Variants in ABHD2 observed in about 807,000 individuals in gnomAD.
ABHD2 encodes the protein monoacylglycerol lipase ABHD2.
A neutral mutation model predicts 48.1 loss-of-function variants in ABHD2; 20 were observed. That is an observed-to-expected ratio of 0.42 (90% confidence interval 0.29 to 0.60). The LOEUF (loss-of-function observed/expected upper bound fraction) is 0.60, where lower values mean the gene tolerates loss of function less well. Among genes scored for constraint, ABHD2 ranks in the 20% least tolerant of loss-of-function variants. The pLI, the probability that ABHD2 is intolerant of heterozygous loss-of-function variation, is 0.24. For missense variants in ABHD2, 405 were observed against 550.9 expected (o/e 0.74, Z 2.65); for synonymous variants, 209 against 214.2 (o/e 0.98, Z 0.21).
At chr15:89,098,602 T>C (rs1020300414) in intron 1 of ABHD2, among the ~76,000 whole-genome samples, 1 of 152,208 alleles carries the variant, frequency 6.6e-6, no homozygotes, top group Non-Finnish European at 1.5e-5. Context: ...AGTTCCCTCC[T>C]CTATTCTGAT....
the ABHD2 span, among the ~76,000 whole-genome samples, chr15:89,069,125 T>C: frequency 1.5e-4 from 15 of 100,998 alleles, no homozygotes; most frequent in South Asian, 4.8e-3. Flanking sequence ...TTCTTTTCTT[T>C]TTTTTTTTTT....
chr15:89,151,446 A>G lies in ABHD2; in HGVS notation c.195-231A>G, dbSNP rs1395159291. On this transcript the variant is annotated intron_variant, in intron 3 of 10. Transcript: ENST00000352732. This position sits in a 1 kb window ranked among gnomAD's most constrained non-coding sequence, Gnocchi z 4.7. Reference sequence around the variant, plus strand: ...GTTACCCTAAATTGAAATCCTCTTTATATATATGTCCTGGTTGATTTCTAA... The same window carrying G: ...GTTACCCTAAATTGAAATCCTCTTTGTATATATGTCCTGGTTGATTTCTAA... 6.6e-6 allele frequency among the ~76,000 whole-genome samples: 1 copy of G among 152,190 alleles called. No individual in the cohort carries two copies. Among genetic ancestry groups the G allele is most frequent in the Admixed American group, 6.5e-5 (1 of 15,270 alleles).
Position 89,185,280 on chromosome 15 carries a change from A to C in ABHD2, c.723-144A>C, listed in dbSNP as rs1287668564. ...CACAGGTGTTTGAGCTCTGCACATT[A>C]GAGCCTCTGTTTTAATGCAGAGGCC... On this transcript the variant is annotated intron_variant, in intron 6 of 10. Transcript: ENST00000352732. The surrounding 1 kb of genome is among the most constrained non-coding windows in gnomAD (Gnocchi z 5.9). The C allele has an allele frequency of 1.1e-5, 7 of 624,996 alleles. No individual in the cohort carries two copies. Among genetic ancestry groups the C allele is most frequent in the African/African-American group, 1.9e-5 (1 of 53,928 alleles). 38.7% of individuals were successfully genotyped at this position (624,996 alleles called of 1,614,324 possible). A position where few individuals can be genotyped will look rare whatever the true frequency, so the allele number is the denominator to read the frequency against.
rs1455804595 is a variant in ABHD2, at chr15:89,198,839, A to G, written c.*3416A>G. The G allele has an allele frequency of 6.6e-6, 1 of 152,270 alleles. No individual in the cohort carries two copies. The highest frequency in any genetic ancestry group is 1.5e-5 in the Non-Finnish European group (1 of 68,092). 9.4% of individuals were successfully genotyped at this position (152,270 alleles called of 1,614,324 possible). On this transcript the variant is annotated 3_prime_UTR_variant, in exon 11 of 11. Coordinates refer to ENST00000352732, the MANE Select transcript of ABHD2 (RefSeq NM_152924.5). This position sits in a 1 kb window ranked among gnomAD's most constrained non-coding sequence, Gnocchi z 5.1. ...GGACTTGGAGGGAGGGGGCTTCTGC[A>G]TTAAGCTTTCCTGGTGAAGACCCTT...
intron 5 of ABHD2, among the ~76,000 whole-genome samples, chr15:89,157,565 C>T (rs760745257): frequency 5.9e-5 from 9 of 152,066 alleles, no homozygotes; most frequent in Admixed American, 2.0e-4. Flanking sequence ...TGAATTTGGC[C>T]GAGCGCAGTA....
rs2051075901 is a variant in ABHD2 at position 89,179,701 on chromosome 15, G to A, written c.722+3706G>A. ...CTGCCCCTGCCTTCCCTAGGCTGTG[G>A]ACAAATTGTCTTCCACAAAGCCAGT... On this transcript the variant is annotated intron_variant, in intron 6 of 10. Coordinates refer to ENST00000352732, the MANE Select transcript of ABHD2 (RefSeq NM_152924.5). This position sits in a 1 kb window ranked among gnomAD's most constrained non-coding sequence, Gnocchi z 4.3. Among the ~76,000 whole-genome samples the A allele has an allele frequency of 6.6e-6, 1 of 152,158 alleles. No individual in the cohort carries two copies. Among genetic ancestry groups the A allele is most frequent in the Non-Finnish European group, 1.5e-5 (1 of 68,020 alleles).
chr15:89,058,097 A>G, the ABHD2 span, among the ~76,000 whole-genome samples: 3 of 152,188 alleles, frequency 2.0e-5, no homozygotes, highest in South Asian at 2.1e-4. Flanking sequence ...TAAATGAAGT[A>G]TGCTCCATCC....
chr15:89,067,420 A>C, the ABHD2 span, among the ~76,000 whole-genome samples: 1 of 152,222 alleles, frequency 6.6e-6, no homozygotes, highest in African/African-American at 2.4e-5. Flanking sequence ...TGCTAGAAGC[A>C]AGAAGCCAGC....
rs1353386699 is a variant in ABHD2, at chr15:89,088,798, T to G, written c.-107+235T>G. Among the ~76,000 whole-genome samples the G allele has an allele frequency of 6.6e-6, 1 of 152,204 alleles. No individual in the cohort carries two copies. The highest frequency in any genetic ancestry group is 1.9e-4 in the East Asian group (1 of 5,188). On this transcript the variant is annotated intron_variant, in intron 1 of 10. Transcript: ENST00000352732. This position sits in a 1 kb window ranked among gnomAD's most constrained non-coding sequence, Gnocchi z 6.8. ...CGCCTTCCTGAGGCCCTTTGTCCCC[T>G]TCTGCCCGAGGAACCGAGGTTGGGG...
chr15:89,077,740 G>T, the ABHD2 span, among the ~76,000 whole-genome samples: 2 of 152,256 alleles, frequency 1.3e-5, no homozygotes, highest in South Asian at 2.1e-4. Flanking sequence ...CTTTGTGGTG[G>T]TAACTTCTCA....
At chr15:89,080,694 C>CTT in the ABHD2 span, among the ~76,000 whole-genome samples, 1 of 141,384 alleles carries the variant, frequency 7.1e-6, no homozygotes, top group African/African-American at 2.6e-5. Flanking sequence ...GAAAAGGAGA[C>CTT]TTTTTTTTTT....
At chr15:89,072,477 A>G in the ABHD2 span, among the ~76,000 whole-genome samples, 1 of 150,206 alleles carries the variant, frequency 6.7e-6, no homozygotes, top group Non-Finnish European at 1.5e-5. Flanking sequence ...CTCGGTCTCA[A>G]AAGAGGAAAG....
In ABHD2 at chr15:89,152,456, CCCCAGGACCAGGCCTCTGGG is replaced by C. The variant is rs2050609597; in HGVS notation, c.370+605_370+624del. On this transcript the variant is annotated intron_variant, in intron 4 of 10. Coordinates refer to ENST00000352732, the MANE Select transcript of ABHD2 (RefSeq NM_152924.5). ...TGAGGGAGTGCTTGGAGCCCAGGCA[CCCCAGGACCAGGCCTCTGGG>C]TTGATGACAGCAACAGAGGCCAGAC... 2.6e-5 allele frequency among the ~76,000 whole-genome samples: 4 copies of C among 152,224 alleles called. No homozygotes were observed. The South Asian group carries it at 8.3e-4, about 32-fold the overall frequency.
chr15:89,117,751 A>G (rs1056535981), intron 3 of ABHD2, among the ~76,000 whole-genome samples: 1 of 152,214 alleles, frequency 6.6e-6, no homozygotes, highest in Non-Finnish European at 1.5e-5. Context: ...TGTTGGGGAC[A>G]CTGGGTGAAT....
In ABHD2 at chr15:89,144,459, A is replaced by C. The variant is rs141293216; in HGVS notation, c.195-7218A>C. Among the ~76,000 whole-genome samples, 738 of 152,318 alleles carry C rather than the reference A, an allele frequency of 4.8e-3. 8 individuals are homozygous for C. Among genetic ancestry groups the C allele is most frequent in the African/African-American group, 0.017 (708 of 41,572 alleles). On this transcript the variant is annotated intron_variant, in intron 3 of 10. Coordinates refer to ENST00000352732, the MANE Select transcript of ABHD2 (RefSeq NM_152924.5). ...ACCATTCAGTGTCTATAACTGATGAAAAAATAAACAAAATGTGGTATATTC... is the reference window on the plus strand; with the variant it reads ...ACCATTCAGTGTCTATAACTGATGACAAAATAAACAAAATGTGGTATATTC...
At chr15:89,159,471 T>A (rs1390994958) in intron 5 of ABHD2, among the ~76,000 whole-genome samples, 1 of 152,174 alleles carries the variant, frequency 6.6e-6, no homozygotes, top group African/African-American at 2.4e-5. Flanking sequence ...AGCCTCGATC[T>A]ATGGGCGAGG....
chr15:89,188,127 G>A lies in ABHD2; in HGVS notation c.816-66G>A, dbSNP rs2051242240. On this transcript the variant is annotated intron_variant, in intron 7 of 10. Transcript: ENST00000352732. The surrounding 1 kb of genome is among the most constrained non-coding windows in gnomAD (Gnocchi z 4.1). Reference sequence around the variant, plus strand: ...CCTCCTGGCTTGCTGTGGCAAGGAAGCAGGCTATGCCATGGTTGTTCATCC... The same window carrying A: ...CCTCCTGGCTTGCTGTGGCAAGGAAACAGGCTATGCCATGGTTGTTCATCC... The A allele has an allele frequency of 6.4e-6, 9 of 1,415,020 alleles. No individual in the cohort carries two copies. Among genetic ancestry groups the A allele is most frequent in the Admixed American group, 1.7e-5 (1 of 58,434 alleles). 87.7% of individuals were successfully genotyped at this position (1,415,020 alleles called of 1,614,324 possible).
At chr15:89,160,492 G>GTTTTTTT (rs34084756) in intron 5 of ABHD2, among the ~76,000 whole-genome samples, 1 of 144,076 alleles carries the variant, frequency 6.9e-6, no homozygotes, top group Non-Finnish European at 1.5e-5. Context: ...CTGCCTACCT[G>GTTTTTTT]TTTTTTTTTT....
the ABHD2 span, among the ~76,000 whole-genome samples, chr15:89,048,456 T>C: frequency 1.3e-5 from 2 of 151,824 alleles, no homozygotes; most frequent in South Asian, 2.1e-4. Context: ...CCTTGCTAGA[T>C]TGGGGAAGTT....
Sources: gnomAD v4.1 joint callset for allele counts (sites outside exome capture counted in the v4.1 genomes callset) on GRCh38, gnomAD v4.1.1 for gene constraint, Gnocchi (gnomAD v3.1) non-coding constraint, MANE v1.5 for transcripts, NCBI Gene and HGNC (gene_info 2026-07-23, HGNC 2026-07-21) for gene names.